Variants in SYT1 observed in about 807,000 individuals in gnomAD.
SYT1 encodes synaptotagmin-1.
SYT1 carries 8 observed loss-of-function variants against 44.8 expected under a neutral mutation model. The ratio of observed to expected loss-of-function variants is 0.18; its 90% confidence interval spans 0.10 to 0.32. The LOEUF (loss-of-function observed/expected upper bound fraction) is 0.32. Ranked by LOEUF, SYT1 falls within the 10% of genes least tolerant of loss-of-function variation. The pLI is 1.00. For synonymous variants in SYT1, 154 were observed against 188.8 expected (o/e 0.82, Z 1.51); for missense variants, 286 against 509.3 (o/e 0.56, Z 4.22).
chr12:79,110,492 A>T (rs2138088557), intron 3 of SYT1, among the ~76,000 whole-genome samples: 1 of 152,276 alleles, frequency 6.6e-6, no homozygotes, highest in African/African-American at 2.4e-5. Flanking sequence ...GAAACACACG[A>T]AAATCTAGAA....
At chr12:79,046,628 C>G (rs1337613763) in intron 2 of SYT1, among the ~76,000 whole-genome samples, 2 of 151,866 alleles carry the variant, frequency 1.3e-5, no homozygotes, top group Non-Finnish European at 2.9e-5. Context: ...CAATGACGTG[C>G]AATCATTTTT....
At chr12:79,156,261 T>C (rs1364990519) in intron 3 of SYT1, among the ~76,000 whole-genome samples, 1 of 152,194 alleles carries the variant, frequency 6.6e-6, no homozygotes, top group South Asian at 2.1e-4. Flanking sequence ...AGCGAGGCCG[T>C]ATGACCTCAT....
chr12:78,971,385 A>G (rs1592618109), intron 1 of SYT1, among the ~76,000 whole-genome samples: 1 of 152,374 alleles, frequency 6.6e-6, no homozygotes, highest in East Asian at 1.9e-4. Flanking sequence ...AAGGCAATTC[A>G]GTTGAACAAA....
rs188741614 is a variant in SYT1, at chr12:79,243,537, C to A, written c.166+25852C>A. On this transcript the variant is annotated intron_variant, in intron 4 of 10. Transcript: ENST00000261205. ...TGGGAGCAAGAATTGCTAAAGCAATCGAAATCGAATCCCTTTTCCCTGCTT... is the reference window on the plus strand; with the variant it reads ...TGGGAGCAAGAATTGCTAAAGCAATAGAAATCGAATCCCTTTTCCCTGCTT... Among the ~76,000 whole-genome samples, 8 of 152,214 alleles carry A rather than the reference C, an allele frequency of 5.3e-5. No homozygotes were observed. In the East Asian group the frequency reaches 1.5e-3, roughly 29 times the overall value.
intron 9 of SYT1, among the ~76,000 whole-genome samples, chr12:79,429,597 C>T (rs921965471): frequency 1.3e-5 from 2 of 151,004 alleles, no homozygotes; most frequent in African/African-American, 2.4e-5. Context: ...GACGCGATCT[C>T]GGCTCACTGC....
At chr12:79,262,180 A>T (rs1877865410) in intron 4 of SYT1, among the ~76,000 whole-genome samples, 1 of 152,228 alleles carries the variant, frequency 6.6e-6, no homozygotes, top group African/African-American at 2.4e-5. Context: ...AGTTGTAGTT[A>T]ACAAGCCTTT....
At chr12:78,948,076 A>C (rs868726391) in intron 1 of SYT1, among the ~76,000 whole-genome samples, 7 of 151,834 alleles carry the variant, frequency 4.6e-5, no homozygotes, top group Admixed American at 1.3e-4. Flanking sequence ...TAACAATGAA[A>C]GGTCCTGCAG....
At chr12:78,986,482 C>T (rs1178327305) in intron 2 of SYT1, among the ~76,000 whole-genome samples, 1 of 151,584 alleles carries the variant, frequency 6.6e-6, no homozygotes, top group Non-Finnish European at 1.5e-5. Context: ...ATTATCCTTG[C>T]CTTTTATTTA....
intron 9 of SYT1, among the ~76,000 whole-genome samples, chr12:79,398,687 G>C (rs1240210716): frequency 2.0e-5 from 3 of 152,072 alleles, no homozygotes; most frequent in African/African-American, 7.2e-5. Context: ...GTCAACAGTA[G>C]ACATGTATCA....
chr12:78,928,336 T>G (rs1291694433), intron 1 of SYT1, among the ~76,000 whole-genome samples: 1 of 152,142 alleles, frequency 6.6e-6, no homozygotes, highest in Admixed American at 6.5e-5. Context: ...TAAGCCCTTA[T>G]CATACACTCT....
At chr12:78,939,263 C>A (rs749615721) in intron 1 of SYT1, among the ~76,000 whole-genome samples, 1 of 152,166 alleles carries the variant, frequency 6.6e-6, no homozygotes, top group Non-Finnish European at 1.5e-5. Flanking sequence ...ATCGAGTTTT[C>A]ATATTCTTGT....
rs1308697820 is a variant in SYT1 at position 79,028,410 on chromosome 12, G to A, written c.-83-18887G>A. On this transcript the variant is annotated intron_variant, in intron 2 of 10. Coordinates refer to ENST00000261205, the MANE Select transcript of SYT1 (RefSeq NM_005639.3). ...TCAAAATTCAAAACACAGAAATAAA[G>A]GAATATTGATAGAGCTAAGTGCTAT... is the stretch of plus-strand genomic sequence containing the variant. 5.9e-5 allele frequency among the ~76,000 whole-genome samples: 9 copies of A among 151,326 alleles called. No homozygotes were observed. The Admixed American group carries it at 6.0e-4, about 10-fold the overall frequency.
intron 2 of SYT1, among the ~76,000 whole-genome samples, chr12:79,001,716 T>TC (rs1157008994): frequency 6.6e-6 from 1 of 152,214 alleles, no homozygotes; most frequent in Non-Finnish European, 1.5e-5. Context: ...GAGAACAGCA[T>TC]ATTGTAAAGT....
intron 9 of SYT1, among the ~76,000 whole-genome samples, chr12:79,428,272 G>A (rs1254020387): frequency 6.6e-6 from 1 of 152,132 alleles, no homozygotes; most frequent in Non-Finnish European, 1.5e-5. Context: ...AGAGTTTAGA[G>A]GGCCCTATTC....
intron 1 of SYT1, among the ~76,000 whole-genome samples, chr12:78,897,072 G>A (rs932981562): frequency 9.2e-5 from 14 of 151,688 alleles, no homozygotes; most frequent in African/African-American, 3.1e-4. Context: ...TATATTCGAG[G>A]TAAATTTTAT....
At chr12:78,940,846 G>A (rs1878308676) in intron 1 of SYT1, among the ~76,000 whole-genome samples, 1 of 152,034 alleles carries the variant, frequency 6.6e-6, no homozygotes. Context: ...ACATGCCTAA[G>A]GTAAGGTGTC....
At chr12:79,178,580 G>T (rs948666327) in intron 3 of SYT1, among the ~76,000 whole-genome samples, 1 of 151,696 alleles carries the variant, frequency 6.6e-6, no homozygotes, top group Non-Finnish European at 1.5e-5. Context: ...TTGGAAACCT[G>T]CATATGCTCA....
At chr12:79,048,330 C>T (rs1193240509) in intron 3 of SYT1, among the ~76,000 whole-genome samples, 1 of 151,564 alleles carries the variant, frequency 6.6e-6, no homozygotes, top group African/African-American at 2.4e-5. Flanking sequence ...CAAATTATTC[C>T]TGCATAATAA....
At chr12:79,189,482 G>A (rs924568740) in intron 3 of SYT1, among the ~76,000 whole-genome samples, 3 of 152,116 alleles carry the variant, frequency 2.0e-5, no homozygotes, top group African/African-American at 7.2e-5. Context: ...CCAAATATTT[G>A]TATAATAGCT....
Sources: allele counts gnomAD v4.1 joint callset (sites outside exome capture counted in the v4.1 genomes callset), GRCh38; gene constraint gnomAD v4.1.1; transcripts MANE v1.5; gene names NCBI Gene and HGNC (gene_info 2026-07-23, HGNC 2026-07-21).